NRXN3: variants seen among roughly 807,000 people sequenced by gnomAD.
The protein encoded by NRXN3 is neurexin 3.
In NRXN3, 32 loss-of-function variants were observed where a neutral mutation model predicts 137.6. That is an observed-to-expected ratio of 0.23 (90% CI 0.18 to 0.31). The LOEUF (loss-of-function observed/expected upper bound fraction) is 0.31, where lower values mean the gene tolerates loss of function less well. NRXN3 is among the 10% of genes least tolerant of loss of function. NRXN3 has a pLI of 1.00. For missense variants in NRXN3, 1,574 were observed against 2,062.5 expected (o/e 0.76, Z 4.59); for synonymous variants, 798 against 784.5 (o/e 1.02, Z -0.29).
intron 19 of NRXN3, among the ~76,000 whole-genome samples, chr14:79,703,847 G>A (rs2098765004): frequency 6.6e-6 from 1 of 152,070 alleles, no homozygotes; most frequent in Non-Finnish European, 1.5e-5. Context: ...GCAATCATGT[G>A]TGAAAAGCAC....
At chr14:78,525,700 A>G (rs1451078858) in intron 4 of NRXN3, among the ~76,000 whole-genome samples, 1 of 152,196 alleles carries the variant, frequency 6.6e-6, no homozygotes, top group Non-Finnish European at 1.5e-5. Flanking sequence ...TAATCCCTTT[A>G]TCAGCTTACT....
intron 4 of NRXN3, among the ~76,000 whole-genome samples, chr14:78,435,752 T>C (rs1231428351): frequency 6.6e-6 from 1 of 152,172 alleles, no homozygotes; most frequent in East Asian, 1.9e-4. Context: ...GTGAGACTTT[T>C]TCCAAAGGTC....
At chr14:79,593,940 A>G (rs2097836408) in intron 16 of NRXN3, among the ~76,000 whole-genome samples, 1 of 152,214 alleles carries the variant, frequency 6.6e-6, no homozygotes, top group South Asian at 2.1e-4. Context: ...TAATTGTTTT[A>G]CTAGTTCAGA....
chr14:79,040,918 A>T (rs922125675), intron 15 of NRXN3, among the ~76,000 whole-genome samples: 1 of 152,046 alleles, frequency 6.6e-6, no homozygotes, highest in Non-Finnish European at 1.5e-5. Context: ...AGCCTTTCTT[A>T]TCTGTGTGGC....
chr14:79,308,325 C>A (rs113158643), intron 15 of NRXN3, among the ~76,000 whole-genome samples: 13 of 152,190 alleles, frequency 8.5e-5, no homozygotes, highest in African/African-American at 3.1e-4. Flanking sequence ...CTCTTTGCCT[C>A]AAGTTCCCAA....
intron 15 of NRXN3, among the ~76,000 whole-genome samples, chr14:79,431,537 A>G (rs983355994): frequency 6.6e-6 from 1 of 152,196 alleles, no homozygotes; most frequent in Non-Finnish European, 1.5e-5. Flanking sequence ...GTAATAACAG[A>G]TGATGGATCA....
chr14:78,926,524 T>G (rs914376633), intron 10 of NRXN3, among the ~76,000 whole-genome samples: 1 of 138,052 alleles, frequency 7.2e-6, no homozygotes, highest in Non-Finnish European at 1.5e-5. Context: ...GTTCATCACT[T>G]GAGCCCAAGA....
At chr14:78,951,399 A>G (rs1332475989) in intron 10 of NRXN3, among the ~76,000 whole-genome samples, 2 of 152,028 alleles carry the variant, frequency 1.3e-5, no homozygotes, top group East Asian at 3.9e-4. Context: ...CTTCTCAGAG[A>G]AGCCTTCTCT....
intron 17 of NRXN3, among the ~76,000 whole-genome samples, chr14:79,675,309 T>C (rs1804859305): frequency 6.6e-6 from 1 of 152,102 alleles, no homozygotes; most frequent in African/African-American, 2.4e-5. Flanking sequence ...AAATATGATA[T>C]GATTTGCATG....
intron 4 of NRXN3, chr14:78,615,026 G>A (rs2097333737): frequency 2.2e-6 from 1 of 456,536 alleles, no homozygotes; most frequent in Non-Finnish European, 4.4e-6. Flanking sequence ...CCGGGATCTT[G>A]ACGAAGGTAG....
At chr14:78,232,803 G>A (rs926201610) in intron 1 of NRXN3, among the ~76,000 whole-genome samples, 9 of 152,210 alleles carry the variant, frequency 5.9e-5, no homozygotes, top group African/African-American at 2.2e-4. Context: ...GCAGCCAGAT[G>A]GCTTTCCAAA....
intron 20 of NRXN3, among the ~76,000 whole-genome samples, chr14:79,838,227 TA>T (rs1358732899): frequency 6.6e-6 from 1 of 152,174 alleles, no homozygotes; most frequent in African/African-American, 2.4e-5. Context: ...TTTTATCCCT[TA>T]AAAATGTTAT....
chr14:79,649,651 G>A (rs755113620), intron 16 of NRXN3, among the ~76,000 whole-genome samples: 4 of 152,106 alleles, frequency 2.6e-5, no homozygotes, highest in Non-Finnish European at 4.4e-5. Context: ...AATTAGTGAG[G>A]TTTTAGAAAG....
intron 4 of NRXN3, among the ~76,000 whole-genome samples, chr14:78,427,398 G>C (rs1253295326): frequency 6.6e-6 from 1 of 152,170 alleles, no homozygotes; most frequent in Non-Finnish European, 1.5e-5. Flanking sequence ...AGGGCCAGGA[G>C]GTAAAGCTGG....
chr14:79,363,233 C>T (rs2093751150), intron 15 of NRXN3, among the ~76,000 whole-genome samples: 1 of 152,196 alleles, frequency 6.6e-6, no homozygotes, highest in East Asian at 1.9e-4. Context: ...CTCCTGACCT[C>T]AGGTGATCCA....
intron 8 of NRXN3, among the ~76,000 whole-genome samples, chr14:78,720,413 T>C (rs2098454347): frequency 6.6e-6 from 1 of 152,220 alleles, no homozygotes. Context: ...TGTGAAGTCC[T>C]GTTGGACTTA....
intron 16 of NRXN3, among the ~76,000 whole-genome samples, chr14:79,615,871 G>A (rs1324973388): frequency 6.6e-6 from 1 of 152,114 alleles, no homozygotes; most frequent in African/African-American, 2.4e-5. Context: ...TCATATCAAT[G>A]TATTAAAACA....
intron 4 of NRXN3, among the ~76,000 whole-genome samples, chr14:78,510,334 C>A (rs868417037): frequency 1.4e-4 from 21 of 151,974 alleles, no homozygotes; most frequent in African/African-American, 4.8e-4. Flanking sequence ...AATTAGTTAA[C>A]ATTACCAAAC....
At chr14:79,546,079 G>A (rs553386323) in intron 16 of NRXN3, among the ~76,000 whole-genome samples, 44 of 152,228 alleles carry the variant, frequency 2.9e-4, no homozygotes, top group Non-Finnish European at 5.3e-4. Context: ...GGTGTGACTT[G>A]CTCCTCCTTG....
Sources: gnomAD v4.1 joint callset for allele counts (sites outside exome capture counted in the v4.1 genomes callset) on GRCh38, gnomAD v4.1.1 for gene constraint, MANE v1.5 for transcripts, NCBI Gene and HGNC (gene_info 2026-07-23, HGNC 2026-07-21) for gene names.